The following FMN1 variants were observed in gnomAD, a reference collection of about 807,000 sequenced individuals.
FMN1 encodes formin 1, also known as formin-1.
A neutral mutation model predicts 132.4 loss-of-function variants in FMN1; 110 were observed. That is an observed-to-expected ratio of 0.83 (90% CI 0.71 to 0.97). The LOEUF (loss-of-function observed/expected upper bound fraction) is 0.97, where lower values mean the gene tolerates loss of function less well. Among genes scored for constraint, FMN1 ranks in the 50% least tolerant of loss-of-function variants. The probability of loss-of-function intolerance (pLI) is 0.00; values close to 1 mark genes in which losing one functional copy is unlikely to be tolerated. For synonymous variants in FMN1, 722 were observed against 651.7 expected (o/e 1.11, Z -1.64); for missense variants, 1,792 against 1,705.3 (o/e 1.05, Z -0.90).
intron 17 of FMN1, among the ~76,000 whole-genome samples, chr15:32,839,470 C>G (rs908931403): frequency 3.9e-5 from 6 of 152,116 alleles, no homozygotes; most frequent in African/African-American, 1.4e-4. Context: ...AACTTGAGCA[C>G]CAGGGACCTG....
intron 7 of FMN1, among the ~76,000 whole-genome samples, chr15:32,993,093 T>C (rs2140866571): frequency 6.6e-6 from 1 of 152,306 alleles, no homozygotes; most frequent in Admixed American, 6.5e-5. Context: ...CCTTGTGACA[T>C]TTTCAGCTGC....
chr15:33,177,687 G>A (rs1965560495), intron 3 of FMN1, among the ~76,000 whole-genome samples: 1 of 152,126 alleles, frequency 6.6e-6, no homozygotes, highest in Non-Finnish European at 1.5e-5. Context: ...GTGAAAACAG[G>A]CAAAGGAAAT....
rs1356843500 is a variant in FMN1 at position 33,154,639 on chromosome 15, T to C, written c.276A>G (p.Thr92=). The part of the protein sequence containing the change: ...DILTELYKLT[T]ERERLLTNLL... ...GATTGGTTAGCAGTCTCTCCCTCTC[T>C]GTTGTGAGTTTGTACAGCTCAGTTA... The change falls in exon 4 of 21, where the codon ACA becomes ACG. Residue 92 remains threonine (T), a synonymous_variant. Coordinates refer to ENST00000616417, the MANE Select transcript of FMN1 (RefSeq NM_001277313.2). 4 of 1,536,114 alleles carry C rather than the reference T, an allele frequency of 2.6e-6. No homozygotes were observed. The highest frequency in any genetic ancestry group is 3.9e-5 in the Admixed American group (2 of 50,994).
chr15:33,085,395 A>T (rs1462582611), intron 5 of FMN1, among the ~76,000 whole-genome samples: 1 of 152,098 alleles, frequency 6.6e-6, no homozygotes, highest in African/African-American at 2.4e-5. Flanking sequence ...CCAAACTATA[A>T]AAACTGTTGA....
intron 17 of FMN1, among the ~76,000 whole-genome samples, chr15:32,805,327 T>C (rs927959145): frequency 6.6e-6 from 1 of 152,240 alleles, no homozygotes; most frequent in Non-Finnish European, 1.5e-5. Context: ...TGTCTGTTCA[T>C]ATCCTTTGCC....
intron 4 of FMN1, among the ~76,000 whole-genome samples, chr15:33,125,813 T>A (rs1054097453): frequency 6.6e-6 from 1 of 152,222 alleles, no homozygotes. Context: ...CCTATTTTCA[T>A]GTAGTTCATC....
rs957046349 is a variant in FMN1, at chr15:32,771,535, T to C, written c.*2775A>G. ...ACTGTGTCCTCAGATTTAATGAATA[T>C]TGTCTAAGAGGAGACAAAGTTGTTT... is the stretch of plus-strand genomic sequence containing the variant. On this transcript the variant is annotated 3_prime_UTR_variant, in exon 21 of 21. Coordinates refer to ENST00000616417, the MANE Select transcript of FMN1 (RefSeq NM_001277313.2). The C allele has an allele frequency of 5.9e-5, 9 of 152,228 alleles. 1 individual carries two copies. Among genetic ancestry groups the C allele is most frequent in the African/African-American group, 2.2e-4 (9 of 41,462 alleles). The allele number at this position is 152,228 out of a possible 1,614,324, so 9.4% of individuals were successfully genotyped here.
At chr15:32,909,755 A>G (rs910898352) in intron 11 of FMN1, among the ~76,000 whole-genome samples, 2 of 152,176 alleles carry the variant, frequency 1.3e-5, no homozygotes, top group East Asian at 3.9e-4. Context: ...TTGTCTTCTC[A>G]AGAGAGCCTG....
At chr15:33,047,600 C>T (rs1204648072) in intron 6 of FMN1, among the ~76,000 whole-genome samples, 1 of 152,102 alleles carries the variant, frequency 6.6e-6, no homozygotes, top group African/African-American at 2.4e-5. Flanking sequence ...CAAATAGATC[C>T]CTCTCGAAAT....
At chr15:32,783,784 A>G (rs76604080) in intron 19 of FMN1, among the ~76,000 whole-genome samples, 98,138 of 105,720 alleles carry the variant, frequency 0.93, 45,835 homozygotes, top group Middle Eastern at 0.97. Context: ...AAAAAAAAAA[A>G]TAGTTGAAGT....
chr15:33,072,087 CA>C (rs1028159945), intron 5 of FMN1, among the ~76,000 whole-genome samples: 3 of 151,890 alleles, frequency 2.0e-5, no homozygotes, highest in Admixed American at 1.3e-4. Context: ...AACAAACAAA[CA>C]AAAAAACAAC....
At chr15:33,134,831 A>T (rs1963695691) in intron 4 of FMN1, among the ~76,000 whole-genome samples, 1 of 152,148 alleles carries the variant, frequency 6.6e-6, no homozygotes, top group Non-Finnish European at 1.5e-5. Context: ...GCAAAACCCC[A>T]TCTCTACTAA....
At chr15:32,821,648 C>T (rs2058221716) in intron 17 of FMN1, among the ~76,000 whole-genome samples, 1 of 151,924 alleles carries the variant, frequency 6.6e-6, no homozygotes, top group South Asian at 2.1e-4. Flanking sequence ...GATGGGGTTT[C>T]ACCATCTTGG....
chr15:32,819,966 G>T (rs1205924832), intron 17 of FMN1, among the ~76,000 whole-genome samples: 1 of 152,156 alleles, frequency 6.6e-6, no homozygotes, highest in African/African-American at 2.4e-5. Flanking sequence ...GTATTTTTAA[G>T]ATTTTGCCAT....
intron 6 of FMN1, among the ~76,000 whole-genome samples, chr15:33,044,224 C>T (rs2036574275): frequency 6.6e-6 from 1 of 152,202 alleles, no homozygotes; most frequent in African/African-American, 2.4e-5. Flanking sequence ...GCAGGTGCCC[C>T]TTGGCACAAA....
chr15:33,156,748 A>G (rs1036067529), intron 3 of FMN1, among the ~76,000 whole-genome samples: 5 of 152,210 alleles, frequency 3.3e-5, no homozygotes, highest in Admixed American at 6.5e-5. Flanking sequence ...AATCAGTAAT[A>G]AAAGCAATTG....
chr15:32,950,343 C>A (rs1391906101), intron 9 of FMN1, among the ~76,000 whole-genome samples: 4 of 151,682 alleles, frequency 2.6e-5, no homozygotes, highest in African/African-American at 9.7e-5. Flanking sequence ...TGGGTATACA[C>A]CCAAAGGAGT....
At chr15:32,927,834 C>T (rs189874346) in intron 9 of FMN1, among the ~76,000 whole-genome samples, 75 of 152,310 alleles carry the variant, frequency 4.9e-4, no homozygotes, top group Admixed American at 1.2e-3. Flanking sequence ...TTTTAATGTG[C>T]TTTGCTGGTT....
At chr15:33,092,005 A>G (rs2038921228) in intron 4 of FMN1, among the ~76,000 whole-genome samples, 1 of 152,182 alleles carries the variant, frequency 6.6e-6, no homozygotes, top group Non-Finnish European at 1.5e-5. Context: ...ACTCAGTATT[A>G]GTTATTTTGT....
Sources: allele counts gnomAD v4.1 joint callset (sites outside exome capture counted in the v4.1 genomes callset), GRCh38; gene constraint gnomAD v4.1.1; transcripts MANE v1.5; gene names NCBI Gene and HGNC (gene_info 2026-07-23, HGNC 2026-07-21).